CAMTA1: variants seen among roughly 807,000 people sequenced by gnomAD.
CAMTA1 encodes calmodulin binding transcription activator 1.
CAMTA1 carries 27 observed loss-of-function variants against 170.9 expected under a neutral mutation model. The observed-to-expected ratio is 0.16, with a 90% CI of 0.12 to 0.22. CAMTA1 has a LOEUF of 0.22. Among genes scored for constraint, CAMTA1 ranks in the 10% least tolerant of loss-of-function variants. The pLI is 1.00. For synonymous variants in CAMTA1, 833 were observed against 891.5 expected (o/e 0.93, Z 1.17); for missense variants, 1,619 against 2,217.2 (o/e 0.73, Z 5.42).
intron 3 of CAMTA1, among the ~76,000 whole-genome samples, chr1:6,940,243 G>A (rs1571895488): frequency 1.3e-5 from 2 of 152,236 alleles, no homozygotes; most frequent in African/African-American, 4.8e-5. Flanking sequence ...TACTCTCTGT[G>A]AACTGGAAAC....
chr1:7,552,421 G>A (rs1212889384), intron 6 of CAMTA1, among the ~76,000 whole-genome samples: 1 of 152,222 alleles, frequency 6.6e-6, no homozygotes, highest in Admixed American at 6.5e-5. Flanking sequence ...GTGTTCACTG[G>A]GAACAGTGGA....
intron 5 of CAMTA1, among the ~76,000 whole-genome samples, chr1:7,440,355 G>T (rs1276485086): frequency 6.6e-6 from 1 of 152,272 alleles, no homozygotes; most frequent in East Asian, 1.9e-4. Flanking sequence ...AATGTCCCCA[G>T]GGCAGAGCTG....
At chr1:7,221,508 C>T (rs565780135) in intron 4 of CAMTA1, among the ~76,000 whole-genome samples, 3 of 152,268 alleles carry the variant, frequency 2.0e-5, no homozygotes, top group African/African-American at 7.2e-5. Context: ...CCATTGTGTT[C>T]ACTGAGAATT....
At chr1:7,440,368 A>G (rs555086626) in intron 5 of CAMTA1, among the ~76,000 whole-genome samples, 9 of 152,348 alleles carry the variant, frequency 5.9e-5, no homozygotes, top group Middle Eastern at 3.4e-3. Context: ...CAGAGCTGGG[A>G]CAGTCCCAGT....
chr1:7,080,657 C>T (rs901322850), intron 3 of CAMTA1, among the ~76,000 whole-genome samples: 2 of 152,126 alleles, frequency 1.3e-5, no homozygotes, highest in Admixed American at 1.3e-4. Flanking sequence ...GCCTCAGCCT[C>T]CCAAATAGCT....
intron 5 of CAMTA1, among the ~76,000 whole-genome samples, chr1:7,322,993 TCCCTTC>T (rs1477434255): frequency 2.4e-5 from 3 of 122,672 alleles, no homozygotes; most frequent in African/African-American, 9.1e-5. Context: ...CCTTCCCTTT[TCCCTTC>T]CCCTTCCCTT....
intron 3 of CAMTA1, among the ~76,000 whole-genome samples, chr1:6,892,952 TAAAG>T (rs1310440730): frequency 3.3e-5 from 5 of 151,170 alleles, no homozygotes; most frequent in African/African-American, 4.9e-5. Flanking sequence ...TCTTCAGAAA[TAAAG>T]AAACAGCCTC....
chr1:7,191,834 C>G (rs900462339), intron 4 of CAMTA1, among the ~76,000 whole-genome samples: 1 of 152,154 alleles, frequency 6.6e-6, no homozygotes, highest in Non-Finnish European at 1.5e-5. Flanking sequence ...TGTGTTATTT[C>G]TCTAAGAACG....
chr1:6,984,066 G>A (rs79317210), intron 3 of CAMTA1, among the ~76,000 whole-genome samples: 11 of 396 alleles, frequency 0.028, no homozygotes, highest in East Asian at 0.056. Flanking sequence ...AAATGGGTGG[G>A]TGGATGGGTG....
Position 7,562,315 on chromosome 1 carries a change from G to A in CAMTA1, c.511-78085G>A, listed in dbSNP as rs2094967884. 6.6e-6 allele frequency among the ~76,000 whole-genome samples: 1 copy of A among 152,248 alleles called. No homozygotes were observed. Among genetic ancestry groups the A allele is most frequent in the African/African-American group, 2.4e-5 (1 of 41,470 alleles). ...TGGTTTGAATATGTAAAGGCACTAAGCTGTTTAATTCGGTGCTTCCTGCAT... is the reference window on the plus strand; with the variant it reads ...TGGTTTGAATATGTAAAGGCACTAAACTGTTTAATTCGGTGCTTCCTGCAT... On this transcript the variant is annotated intron_variant, in intron 6 of 22. Coordinates refer to ENST00000303635, the MANE Select transcript of CAMTA1 (RefSeq NM_015215.4). This position sits in a 1 kb window ranked among gnomAD's most constrained non-coding sequence, Gnocchi z 4.8.
chr1:7,551,355 T>A (rs72865457), intron 6 of CAMTA1, among the ~76,000 whole-genome samples: 5,081 of 151,586 alleles, frequency 0.034, 274 homozygotes, highest in African/African-American at 0.12. Flanking sequence ...TGCATGAGTG[T>A]GTATGTGCAT....
intron 3 of CAMTA1, among the ~76,000 whole-genome samples, chr1:7,084,110 A>AT (rs1640399295): frequency 6.6e-6 from 1 of 152,116 alleles, no homozygotes; most frequent in Non-Finnish European, 1.5e-5. Flanking sequence ...CTGAGACTGT[A>AT]TAGACTATAG....
intron 3 of CAMTA1, among the ~76,000 whole-genome samples, chr1:6,864,275 A>C (rs113387633): frequency 0.012 from 1,838 of 152,028 alleles, 21 homozygotes; most frequent in South Asian, 0.032. Flanking sequence ...TGTCCAAGTC[A>C]CTCTTTGCAG....
chr1:7,479,591 AGGCCTCATTG>A (rs2093478828), intron 6 of CAMTA1, among the ~76,000 whole-genome samples: 1 of 152,202 alleles, frequency 6.6e-6, no homozygotes, highest in South Asian at 2.1e-4. Flanking sequence ...TGTCTTCCCC[AGGCCTCATTG>A]GGCTGTCATG....
chr1:7,095,534 T>C (rs1013077613), intron 4 of CAMTA1, among the ~76,000 whole-genome samples: 1 of 152,204 alleles, frequency 6.6e-6, no homozygotes, highest in Non-Finnish European at 1.5e-5. Context: ...AACTGGAACT[T>C]GAACCCAGTA....
chr1:7,081,292 C>T (rs9434458), intron 3 of CAMTA1, among the ~76,000 whole-genome samples: 73,897 of 152,078 alleles, frequency 0.49, 19,158 homozygotes, highest in South Asian at 0.63. Flanking sequence ...TGCAGGTTCA[C>T]GTCGTTGCTG....
At chr1:7,324,306 A>G (rs955618646) in intron 5 of CAMTA1, among the ~76,000 whole-genome samples, 1 of 151,526 alleles carries the variant, frequency 6.6e-6, no homozygotes, top group African/African-American at 2.4e-5. Flanking sequence ...TTAGTATTTG[A>G]TCTCTCTCTT....
chr1:7,085,682 A>G (rs76537669), intron 3 of CAMTA1, among the ~76,000 whole-genome samples: 2,309 of 152,340 alleles, frequency 0.015, 67 homozygotes, highest in African/African-American at 0.053. Flanking sequence ...TGAGGCGTGA[A>G]GGGCAGGAGT....
chr1:7,310,932 T>C (rs922991273), intron 5 of CAMTA1, among the ~76,000 whole-genome samples: 1 of 152,040 alleles, frequency 6.6e-6, no homozygotes, highest in Non-Finnish European at 1.5e-5. Context: ...GGTTTTGCCA[T>C]GTTGGCCAGG....
Sources: gnomAD v4.1 joint callset for allele counts (sites outside exome capture counted in the v4.1 genomes callset) on GRCh38, gnomAD v4.1.1 for gene constraint, Gnocchi (gnomAD v3.1) non-coding constraint, MANE v1.5 for transcripts, NCBI Gene and HGNC (gene_info 2026-07-23, HGNC 2026-07-21) for gene names.